The following BCL2 variants were observed in gnomAD, a reference collection of about 807,000 sequenced individuals.
The protein encoded by BCL2 is apoptosis regulator Bcl-2.
A neutral mutation model predicts 14.2 loss-of-function variants in BCL2; 1 was observed. That is an observed-to-expected ratio of 0.07 (90% CI 0.02 to 0.33). The LOEUF (loss-of-function observed/expected upper bound fraction) is 0.33. BCL2 is among the 10% of genes least tolerant of loss of function. BCL2 has a pLI of 0.99. For missense variants in BCL2, 247 were observed against 305.9 expected, an observed-to-expected ratio of 0.81 and a Z score of 1.44; for synonymous variants, 151 against 137.2, an observed-to-expected ratio of 1.10 and a Z score of -0.70.
intron 2 of BCL2, among the ~76,000 whole-genome samples, chr18:63,174,004 T>G (rs1354294137): frequency 6.6e-6 from 1 of 152,222 alleles, no homozygotes; most frequent in Non-Finnish European, 1.5e-5. Context: ...TCTGAAAATA[T>G]TAGGCTAAGT....
At chr18:63,173,282 G>A (rs937590779) in intron 2 of BCL2, among the ~76,000 whole-genome samples, 1 of 152,154 alleles carries the variant, frequency 6.6e-6, no homozygotes, top group Non-Finnish European at 1.5e-5. Flanking sequence ...CATGTAAGAT[G>A]AAGAAAAATT....
intron 2 of BCL2, among the ~76,000 whole-genome samples, chr18:63,234,555 C>T (rs909094677): frequency 2.4e-4 from 37 of 152,274 alleles, no homozygotes; most frequent in Non-Finnish European, 1.2e-4. Context: ...ACCTGAGGAA[C>T]AGTCCTTGTT....
rs10640757 is a variant in BCL2, at chr18:63,156,087, CAAAAA to C, written c.586-27333_586-27329del. On this transcript the variant is annotated intron_variant, in intron 2 of 2. Transcript: ENST00000333681. ...ATATTCATGAGGCTTGCTGAGAAGC[CAAAAA>C]AAAAAAAAAAAAAAGGCTTGGACGG... Among the ~76,000 whole-genome samples, 28 of 64,252 alleles carry C rather than the reference CAAAAA, an allele frequency of 4.4e-4. No individual in the cohort carries two copies. In the East Asian group the frequency reaches 0.011, roughly 25 times the overall value. The allele number at this position is 64,252 out of a possible 152,430, so 42.2% of individuals were successfully genotyped here. A position where few individuals can be genotyped will look rare whatever the true frequency, so the allele number is the denominator to read the frequency against.
At chr18:63,267,007 A>C (rs1911851925) in intron 2 of BCL2, among the ~76,000 whole-genome samples, 1 of 152,188 alleles carries the variant, frequency 6.6e-6, no homozygotes, top group Non-Finnish European at 1.5e-5. Context: ...AGGAGGAGAG[A>C]AGCAGGGGAA....
chr18:63,280,133 A>G (rs930913039), intron 2 of BCL2, among the ~76,000 whole-genome samples: 2 of 152,238 alleles, frequency 1.3e-5, no homozygotes, highest in African/African-American at 2.4e-5. Flanking sequence ...GATTTTTTAA[A>G]TGAAGGAAAA....
At chr18:63,301,497 T>C (rs992331364) in intron 2 of BCL2, among the ~76,000 whole-genome samples, 3 of 152,248 alleles carry the variant, frequency 2.0e-5, no homozygotes, top group East Asian at 1.9e-4. Context: ...TGAGCTCTTA[T>C]GAGCAATGGG....
At chr18:63,317,056 T>A (rs1913520754) in intron 2 of BCL2, 1 of 152,014 alleles carries the variant, frequency 6.6e-6, no homozygotes, top group Non-Finnish European at 1.5e-5. Context: ...CAACAAAGAA[T>A]CTCAGAAAAG....
In BCL2 at chr18:63,319,247, A is replaced by G; in HGVS notation, c.-360T>C. On this transcript the variant is annotated 5_prime_UTR_variant, in exon 1 of 3. Transcript: ENST00000333681. ...AAAACCAAAACAAATGCATAAGGCA[A>G]CGATCCCATCAATCTTCAGCACTCT... The G allele has an allele frequency of 4.2e-6, 1 of 239,624 alleles. No homozygotes were observed. The allele number at this position is 239,624 out of a possible 1,614,324, so 14.8% of individuals were successfully genotyped here.
At chr18:63,279,290 C>A (rs897891618) in intron 2 of BCL2, among the ~76,000 whole-genome samples, 1 of 152,138 alleles carries the variant, frequency 6.6e-6, no homozygotes, top group African/African-American at 2.4e-5. Context: ...TTGCAACACA[C>A]AAAATTAATG....
At chr18:63,132,637 C>T (rs1430966290) in intron 2 of BCL2, among the ~76,000 whole-genome samples, 21 of 152,160 alleles carry the variant, frequency 1.4e-4, no homozygotes, top group Admixed American at 1.4e-3. Context: ...AAACTTTGCC[C>T]TTCTACAATT....
At position 63,149,865 on chromosome 18, in the gene BCL2, A is replaced by G. The variant is rs892837904; in HGVS notation, c.586-21106T>C. Among the ~76,000 whole-genome samples, 3 of 149,912 alleles carry G rather than the reference A, an allele frequency of 2.0e-5. No individual in the cohort carries two copies. Among genetic ancestry groups the G allele is most frequent in the Admixed American group, 1.3e-4 (2 of 15,122 alleles). On this transcript the variant is annotated intron_variant, in intron 2 of 2. Coordinates refer to ENST00000333681, the MANE Select transcript of BCL2 (RefSeq NM_000633.3). The surrounding 1 kb of genome is among the most constrained non-coding windows in gnomAD (Gnocchi z 4.2). ...GAGGCATTTATTTATTTATTTATTT[A>G]TTTATTTATTTATTTATTTATTTAT...
intron 2 of BCL2, among the ~76,000 whole-genome samples, chr18:63,209,409 C>T (rs1175953894): frequency 1.3e-5 from 2 of 152,020 alleles, no homozygotes; most frequent in Non-Finnish European, 2.9e-5. Context: ...AGTCTGTGTA[C>T]GGATACAAAG....
intron 2 of BCL2, among the ~76,000 whole-genome samples, chr18:63,212,109 C>T (rs543057069): frequency 2.0e-4 from 30 of 151,918 alleles, no homozygotes; most frequent in Non-Finnish European, 4.1e-4. Flanking sequence ...AGGTGGATCA[C>T]AAGGTCAGGA....
At chr18:63,168,762 A>G (rs1915107420) in intron 2 of BCL2, among the ~76,000 whole-genome samples, 1 of 152,228 alleles carries the variant, frequency 6.6e-6, no homozygotes, top group African/African-American at 2.4e-5. Context: ...TCTTCTGTGA[A>G]GTATAAAGTC....
chr18:63,217,133 C>CTAGAGAACA (rs1910228439), intron 2 of BCL2, among the ~76,000 whole-genome samples: 1 of 152,178 alleles, frequency 6.6e-6, no homozygotes, highest in African/African-American at 2.4e-5. Flanking sequence ...TGTTTATGTT[C>CTAGAGAACA]TCTAGCATTC....
At chr18:63,166,296 TG>T (rs1915042949) in intron 2 of BCL2, among the ~76,000 whole-genome samples, 1 of 152,164 alleles carries the variant, frequency 6.6e-6, no homozygotes, top group African/African-American at 2.4e-5. Flanking sequence ...AACCTTGGAA[TG>T]GGCCTTGGAA....
chr18:63,313,215 C>A (rs573479034), intron 2 of BCL2, among the ~76,000 whole-genome samples: 1 of 152,294 alleles, frequency 6.6e-6, no homozygotes, highest in East Asian at 1.9e-4. Context: ...AGGGCAGAAG[C>A]AAAGCTCTCC....
chr18:63,266,583 C>G, intron 2 of BCL2, among the ~76,000 whole-genome samples: 1 of 150,084 alleles, frequency 6.7e-6, no homozygotes, highest in East Asian at 2.0e-4. Flanking sequence ...ATGACAAACC[C>G]GGAACCAATT....
intron 2 of BCL2, among the ~76,000 whole-genome samples, chr18:63,266,631 TCTCTCTCA>T (rs1355110094): frequency 6.8e-6 from 1 of 146,770 alleles, no homozygotes; most frequent in Non-Finnish European, 1.5e-5. Flanking sequence ...TCTCTCTCTC[TCTCTCTCA>T]CACACACACA....
Sources: gnomAD v4.1 joint callset for allele counts (sites outside exome capture counted in the v4.1 genomes callset) on GRCh38, gnomAD v4.1.1 for gene constraint, Gnocchi (gnomAD v3.1) non-coding constraint, MANE v1.5 for transcripts, NCBI Gene and HGNC (gene_info 2026-07-23, HGNC 2026-07-21) for gene names.